The following CNTN6 variants were observed in gnomAD, a reference collection of about 807,000 sequenced individuals.
CNTN6 encodes contactin 6.
Under a neutral mutation model 122.8 loss-of-function variants are expected in CNTN6, and 137 were observed. That is an observed-to-expected ratio of 1.12 (90% CI 0.97 to 1.29). The LOEUF (loss-of-function observed/expected upper bound fraction) is 1.29. Among genes scored for constraint, CNTN6 ranks in the 50% most tolerant of loss-of-function variants. The pLI is 0.00. For missense variants in CNTN6, 1,634 were observed against 1,223.4 expected, an observed-to-expected ratio of 1.34 and a Z score of -5.01; for synonymous variants, 570 against 426.0, an observed-to-expected ratio of 1.34 and a Z score of -4.16.
At chr3:1,112,665 CT>C (rs1445334954) in intron 1 of CNTN6, among the ~76,000 whole-genome samples, 5 of 152,154 alleles carry the variant, frequency 3.3e-5, no homozygotes, top group African/African-American at 1.2e-4. Context: ...CTAATTTCTT[CT>C]GGAAATGTCC....
chr3:1,172,561 C>T (rs3772364), intron 2 of CNTN6, among the ~76,000 whole-genome samples: 70,800 of 151,838 alleles, frequency 0.47, 16,923 homozygotes, highest in East Asian at 0.78. Flanking sequence ...TTTAGTGTAC[C>T]ATTTCCCAAA....
intron 11 of CNTN6, among the ~76,000 whole-genome samples, chr3:1,348,453 T>G (rs1705106165): frequency 6.6e-6 from 1 of 151,940 alleles, no homozygotes. Flanking sequence ...CCACATAAAC[T>G]AAGAATCTTG....
rs1470377608 is a variant in CNTN6 at position 1,402,433 on chromosome 3, G to T, written c.2933G>T (p.Ser978Ile). 6.2e-7 allele frequency: 1 copy of T among 1,612,234 alleles called. No individual in the cohort carries two copies. The highest frequency in any genetic ancestry group is 1.3e-5 in the African/African-American group (1 of 74,846). ...EDYLIEIRTV[S>I]DGGDGSSSEE... ...TACTTAATTGAAATAAGAACAGTCA[G>T]TGATGGTGGAGATGGAAGCAGCAGT... Residue 978 changes from serine to isoleucine, a missense_variant, in exon 22 of 23, where the codon AGT becomes ATT. Ser to Ile is a moderately radical substitution (Grantham distance 142). Transcript: ENST00000446702.
At chr3:1,239,839 G>A (rs866032296) in intron 4 of CNTN6, among the ~76,000 whole-genome samples, 3 of 152,062 alleles carry the variant, frequency 2.0e-5, no homozygotes, top group Non-Finnish European at 4.4e-5. Context: ...TAGACCAATG[G>A]AACAGAATAG....
chr3:1,144,362 C>T (rs114209358), intron 1 of CNTN6, among the ~76,000 whole-genome samples: 10 of 152,058 alleles, frequency 6.6e-5, no homozygotes, highest in African/African-American at 2.4e-4. Context: ...GATCACTGGA[C>T]ATCAGGAGTT....
rs1371431395 is a variant in CNTN6 at position 1,401,204 on chromosome 3, C to G, written c.2705-229C>G. ...TAATAAATTAATACTGGACATGCAG[C>G]AAGCCATTATTAATTCATAAGTCTG... On this transcript the variant is annotated intron_variant, in intron 20 of 22. Transcript: ENST00000446702. 9.2e-6 allele frequency: 4 copies of G among 436,352 alleles called. No individual in the cohort carries two copies. The Admixed American group carries it at 1.7e-4, about 19-fold the overall frequency. 27.0% of individuals were successfully genotyped at this position (436,352 alleles called of 1,614,324 possible).
intron 4 of CNTN6, among the ~76,000 whole-genome samples, chr3:1,273,811 C>G (rs1193358860): frequency 2.6e-5 from 4 of 152,098 alleles, no homozygotes; most frequent in African/African-American, 9.7e-5. Flanking sequence ...GAAATTATGT[C>G]ACAAGCGGAT....
At chr3:1,213,723 C>G (rs1030605676) in intron 2 of CNTN6, among the ~76,000 whole-genome samples, 2 of 151,596 alleles carry the variant, frequency 1.3e-5, no homozygotes, top group Non-Finnish European at 2.9e-5. Flanking sequence ...ATACCATAGA[C>G]GTTACTTTTA....
At chr3:1,291,235 A>T (rs1339568502) in intron 5 of CNTN6, among the ~76,000 whole-genome samples, 5 of 152,160 alleles carry the variant, frequency 3.3e-5, no homozygotes, top group Non-Finnish European at 5.9e-5. Flanking sequence ...TTCTGAATTT[A>T]TTATTAATCT....
intron 2 of CNTN6, among the ~76,000 whole-genome samples, chr3:1,164,831 C>G (rs912469092): frequency 3.9e-5 from 6 of 152,192 alleles, no homozygotes; most frequent in Non-Finnish European, 7.3e-5. Flanking sequence ...TCCCACAGTA[C>G]TGTGCTTTAC....
chr3:1,099,454 AAATT>A (rs1006274527), intron 1 of CNTN6, among the ~76,000 whole-genome samples: 3 of 152,142 alleles, frequency 2.0e-5, no homozygotes, highest in Admixed American at 6.5e-5. Context: ...CTGTCTCAAA[AAATT>A]AATTAATTAA....
chr3:1,187,253 C>T (rs1000321542), intron 2 of CNTN6, among the ~76,000 whole-genome samples: 1 of 151,998 alleles, frequency 6.6e-6, no homozygotes, highest in Non-Finnish European at 1.5e-5. Context: ...TTTTGTAACC[C>T]ACACCAGTTC....
At chr3:1,388,323 G>T (rs867220273) in intron 20 of CNTN6, among the ~76,000 whole-genome samples, 1 of 146,030 alleles carries the variant, frequency 6.8e-6, no homozygotes, top group Non-Finnish European at 1.5e-5. Flanking sequence ...ACACGGCAGG[G>T]TATGCCAACA....
At chr3:1,245,308 A>AACATATATATAT (rs1345442253) in intron 4 of CNTN6, among the ~76,000 whole-genome samples, 1 of 15,654 alleles carries the variant, frequency 6.4e-5, no homozygotes, top group Non-Finnish European at 1.1e-4. Context: ...ATATATATAT[A>AACATATATATAT]TATATATATA....
chr3:1,321,715 GCAAATCC>G lies in CNTN6; in HGVS notation c.831_837del (p.Ser278LeufsTer73), dbSNP rs774140967. 1 of 1,611,840 alleles carries G rather than the reference GCAAATCC, an allele frequency of 6.2e-7. No individual in the cohort carries two copies. The highest frequency in any genetic ancestry group is 8.5e-7 in the Non-Finnish European group (1 of 1,178,600). ...CCGTTGCCAGGGAAAGTCAAGTACA[GCAAATCC>G]CAAGCTATCCTTGAAATCCCGAACT... On this transcript the variant is annotated frameshift_variant, in exon 8 of 23. Transcript: ENST00000446702. LOFTEE classifies it high-confidence loss of function.
In CNTN6 at chr3:1,276,184, A is replaced by G. The variant is rs559827396; in HGVS notation, c.359-2229A>G. Among the ~76,000 whole-genome samples the G allele has an allele frequency of 3.3e-5, 5 of 152,338 alleles. No individual in the cohort carries two copies. The East Asian group carries it at 9.7e-4, about 29-fold the overall frequency. On this transcript the variant is annotated intron_variant, in intron 4 of 22. Transcript: ENST00000446702. ...TCCCATCCATTCCTCTAAGATAACC[A>G]ATGTGTATTTTTTTAAAAATTCATT...
At chr3:1,285,302 T>G (rs1429221717) in intron 5 of CNTN6, among the ~76,000 whole-genome samples, 1 of 152,000 alleles carries the variant, frequency 6.6e-6, no homozygotes, top group African/African-American at 2.4e-5. Context: ...AACTGGAAAA[T>G]GGAGTATCAT....
At chr3:1,397,173 T>G (rs936727594) in intron 20 of CNTN6, among the ~76,000 whole-genome samples, 1 of 152,166 alleles carries the variant, frequency 6.6e-6, no homozygotes, top group African/African-American at 2.4e-5. Context: ...AGCAAGATCT[T>G]TGCCAACCGG....
intron 2 of CNTN6, among the ~76,000 whole-genome samples, chr3:1,183,835 C>T (rs1027615082): frequency 6.6e-6 from 1 of 152,118 alleles, no homozygotes; most frequent in Admixed American, 6.6e-5. Flanking sequence ...AGTTCTCATC[C>T]GAAAGCTACA....
Sources: gnomAD v4.1 joint callset for allele counts (sites outside exome capture counted in the v4.1 genomes callset) on GRCh38, gnomAD v4.1.1 for gene constraint, MANE v1.5 for transcripts, NCBI Gene and HGNC (gene_info 2026-07-23, HGNC 2026-07-21) for gene names.